Variants in SRGAP2 observed in about 807,000 individuals in gnomAD.
SRGAP2 encodes the protein SLIT-ROBO Rho GTPase-activating protein 2.
A neutral mutation model predicts 57.2 loss-of-function variants in SRGAP2; 15 were observed. The observed-to-expected ratio is 0.26, with a 90% CI of 0.18 to 0.40. The LOEUF (loss-of-function observed/expected upper bound fraction) is 0.40. SRGAP2 is among the 10% of genes least tolerant of loss of function. The pLI is 1.00. For missense variants in SRGAP2, 520 were observed against 669.6 expected (o/e 0.78, Z 2.47); for synonymous variants, 249 against 248.0 (o/e 1.00, Z -0.04).
chr1:206,375,239 G>C (rs1655092224), intron 4 of SRGAP2, among the ~76,000 whole-genome samples: 2 of 152,090 alleles, frequency 1.3e-5, no homozygotes, highest in Middle Eastern at 3.2e-3. Context: ...AGAGATTTGT[G>C]CTCTCGTGCT....
At chr1:206,386,796 CAAAAAAA>C (rs1225123382) in intron 5 of SRGAP2, among the ~76,000 whole-genome samples, 3 of 90,352 alleles carry the variant, frequency 3.3e-5, no homozygotes, top group African/African-American at 8.2e-5. Context: ...GAGACTGTCT[CAAAAAAA>C]AAAAAAAGAA....
intron 3 of SRGAP2, among the ~76,000 whole-genome samples, chr1:206,304,666 G>A (rs1387322127): frequency 2.0e-5 from 3 of 148,942 alleles, no homozygotes; most frequent in East Asian, 2.0e-4. Context: ...CATTGTGATC[G>A]GAGTTAATCT....
At chr1:206,339,892 T>C (rs1457551233) in intron 3 of SRGAP2, among the ~76,000 whole-genome samples, 6 of 150,694 alleles carry the variant, frequency 4.0e-5, no homozygotes, top group Non-Finnish European at 4.4e-5. Flanking sequence ...AGGGTTCAAG[T>C]GATTCTCCTG....
intron 3 of SRGAP2, among the ~76,000 whole-genome samples, chr1:206,334,391 T>C (rs1404352783): frequency 1.3e-5 from 2 of 151,536 alleles, no homozygotes; most frequent in Non-Finnish European, 2.9e-5. Flanking sequence ...ATGCAGCCAA[T>C]CTGATGACTG....
chr1:206,228,391 C>T (rs1667407469), intron 2 of SRGAP2, among the ~76,000 whole-genome samples: 1 of 148,480 alleles, frequency 6.7e-6, no homozygotes, highest in Non-Finnish European at 1.5e-5. Context: ...GTTTGAACTT[C>T]AAACAACAAA....
chr1:206,459,058 A>G (rs1396024764), intron 22 of SRGAP2, 111 bp downstream of exon 22: 1 of 628,702 alleles, frequency 1.6e-6, no homozygotes, highest in Admixed American at 2.7e-5. Context: ...TTTGTATGTG[A>G]TATACTGAGT....
chr1:206,448,068 G>A (rs782698221), intron 18 of SRGAP2, among the ~76,000 whole-genome samples: 1 of 152,266 alleles, frequency 6.6e-6, no homozygotes, highest in South Asian at 2.1e-4. Flanking sequence ...CCTTCTAACC[G>A]CTGGATTCAC....
chr1:206,446,393 C>G (rs1553373851), intron 18 of SRGAP2, 94 bp downstream of exon 18: 1 of 730,876 alleles, frequency 1.4e-6, no homozygotes, highest in African/African-American at 1.7e-5. Flanking sequence ...GGGAAACACC[C>G]AGATCCTCCC....
chr1:206,394,303 C>T (rs1175330779), intron 7 of SRGAP2, among the ~76,000 whole-genome samples: 7 of 151,822 alleles, frequency 4.6e-5, no homozygotes, highest in African/African-American at 1.7e-4. Flanking sequence ...CTCAGGTGAT[C>T]CACCTGCCTC....
At chr1:206,349,574 T>C (rs1675891883) in intron 4 of SRGAP2, among the ~76,000 whole-genome samples, 1 of 145,398 alleles carries the variant, frequency 6.9e-6, no homozygotes, top group Admixed American at 6.8e-5. Flanking sequence ...ACCTTATGCA[T>C]GTAATACTTT....
At position 206,203,544 on chromosome 1, in the gene SRGAP2, G is replaced by C. The variant is rs568677842; in HGVS notation, c.-649G>C. On this transcript the variant is annotated 5_prime_UTR_variant, in exon 1 of 23. Transcript: ENST00000573034. Reference sequence around the variant, plus strand: ...CGGAGTTGGCGGAGGCTCCTCCAGGGACTGGGGCACCGATCTGCGTAGAAA... The same window carrying C: ...CGGAGTTGGCGGAGGCTCCTCCAGGCACTGGGGCACCGATCTGCGTAGAAA... 1 of 562,096 alleles carries C rather than the reference G, an allele frequency of 1.8e-6. No homozygotes were observed. The highest frequency in any genetic ancestry group is 1.9e-5 in the African/African-American group (1 of 53,298). 34.8% of individuals were successfully genotyped at this position (562,096 alleles called of 1,614,324 possible). A position where few individuals can be genotyped will look rare whatever the true frequency, so the allele number is the denominator to read the frequency against.
chr1:206,458,134 C>A (rs904389695), intron 21 of SRGAP2, among the ~76,000 whole-genome samples: 6 of 152,198 alleles, frequency 3.9e-5, no homozygotes, highest in Admixed American at 6.5e-5. Context: ...GAATAAGCAA[C>A]AACAGCCTCT....
chr1:206,392,091 T>C (rs1375815187), intron 5 of SRGAP2, among the ~76,000 whole-genome samples: 1 of 152,204 alleles, frequency 6.6e-6, no homozygotes, highest in Admixed American at 6.5e-5. Flanking sequence ...ATATACTAAG[T>C]GCTCAGTAAA....
chr1:206,428,420 CAA>C (rs71152470), intron 13 of SRGAP2, among the ~76,000 whole-genome samples: 15 of 60,076 alleles, frequency 2.5e-4, no homozygotes, highest in Admixed American at 5.6e-4. Flanking sequence ...GACTCTGTCT[CAA>C]AAAAAAAAAA....
chr1:206,221,220 A>G (rs190140826), intron 2 of SRGAP2, among the ~76,000 whole-genome samples: 1,913 of 140,794 alleles, frequency 0.014, 35 homozygotes, highest in African/African-American at 0.054. Context: ...GATTATAGGC[A>G]TGAGCCACCG....
chr1:206,210,355 T>G (rs1305721389), intron 2 of SRGAP2, among the ~76,000 whole-genome samples: 1 of 144,230 alleles, frequency 6.9e-6, no homozygotes, highest in African/African-American at 2.6e-5. Context: ...GGTGGCACTG[T>G]ATGCTGAGCA....
At position 206,461,823 on chromosome 1, in the gene SRGAP2, G is replaced by A. The variant is rs1664286373; in HGVS notation, c.*403G>A. On this transcript the variant is annotated 3_prime_UTR_variant, in exon 23 of 23. Coordinates refer to ENST00000573034, the MANE Select transcript of SRGAP2 (RefSeq NM_015326.5). ...AGCTTTCAGTGGCATCTTGTTTTGG[G>A]AACTGATTATAGAGAATCATATATA... 5.4e-6 allele frequency: 1 copy of A among 184,648 alleles called. No individual in the cohort carries two copies. Among genetic ancestry groups the A allele is most frequent in the Non-Finnish European group, 1.1e-5 (1 of 87,456 alleles). 11.4% of individuals were successfully genotyped at this position (184,648 alleles called of 1,614,324 possible).
chr1:206,346,771 TTAA>T (rs1356118244), intron 4 of SRGAP2, among the ~76,000 whole-genome samples: 1 of 152,246 alleles, frequency 6.6e-6, no homozygotes, highest in African/African-American at 2.4e-5. Flanking sequence ...TCTATAAAAC[TTAA>T]TGATTCACTG....
intron 16 of SRGAP2, 54 bp downstream of exon 16, chr1:206,438,152 G>T (rs1661943916): frequency 1.3e-6 from 1 of 766,298 alleles, no homozygotes; most frequent in African/African-American, 1.7e-5. Context: ...CCGGTAGCAA[G>T]AGAGAAAAAG....
Sources: allele counts gnomAD v4.1 joint callset (sites outside exome capture counted in the v4.1 genomes callset), GRCh38; gene constraint gnomAD v4.1.1; transcripts MANE v1.5; gene names NCBI Gene and HGNC (gene_info 2026-07-23, HGNC 2026-07-21).